The following SEPTIN9 variants were observed in gnomAD, a reference collection of about 807,000 sequenced individuals.
SEPTIN9 encodes the protein septin-9.
Under a neutral mutation model 56.6 loss-of-function variants are expected in SEPTIN9, and 13 were observed. The observed-to-expected ratio is 0.23, with a 90% confidence interval of 0.15 to 0.37. The LOEUF is 0.37. Among genes scored for constraint, SEPTIN9 ranks in the 10% least tolerant of loss-of-function variants. The probability of loss-of-function intolerance (pLI) is 1.00; values close to 1 mark genes in which losing one functional copy is unlikely to be tolerated. For missense variants in SEPTIN9, 650 were observed against 823.1 expected (o/e 0.79, Z 2.57); for synonymous variants, 332 against 334.1 (o/e 0.99, Z 0.07).
At chr17:77,383,725 C>T (rs957730862) in intron 2 of SEPTIN9, among the ~76,000 whole-genome samples, 2 of 152,134 alleles carry the variant, frequency 1.3e-5, no homozygotes, top group Admixed American at 1.3e-4. Context: ...AGGGGCTGAG[C>T]GAGGTGTCAG....
chr17:77,475,255 G>C lies in SEPTIN9; in HGVS notation c.722-6889G>C, dbSNP rs2039160820. ...CACATCATTATTCAGTTACCATCGT[G>C]GGGAGACTGTCTGGACGCAGAGAGC... On this transcript the variant is annotated intron_variant, in intron 3 of 11. Coordinates refer to ENST00000427177, the MANE Select transcript of SEPTIN9 (RefSeq NM_001113491.2). The surrounding 1 kb of genome is among the most constrained non-coding windows in gnomAD (Gnocchi z 4.6). 1 of 1,378,542 alleles carries C rather than the reference G, an allele frequency of 7.3e-7. No homozygotes were observed. The highest frequency in any genetic ancestry group is 1.4e-5 in the African/African-American group (1 of 69,030). 85.4% of individuals were successfully genotyped at this position (1,378,542 alleles called of 1,614,324 possible).
At chr17:77,343,035 A>ATCTATCTATCTG (rs770274093) in intron 2 of SEPTIN9, among the ~76,000 whole-genome samples, 1 of 145,364 alleles carries the variant, frequency 6.9e-6, no homozygotes, top group African/African-American at 2.8e-5. Flanking sequence ...CTATCTATCT[A>ATCTATCTATCTG]TCTATCTAGT....
chr17:77,392,275 G>A (rs1161776378), intron 2 of SEPTIN9, among the ~76,000 whole-genome samples: 3 of 152,186 alleles, frequency 2.0e-5, no homozygotes, highest in African/African-American at 7.2e-5. Flanking sequence ...GAGGCAGAGA[G>A]AAAGAAGCCT....
At position 77,492,709 on chromosome 17, in the gene SEPTIN9, A is replaced by T. The variant is rs371026410; in HGVS notation, c.1469A>T (p.Lys490Met). Residue 490 changes from lysine to methionine, a missense_variant, in exon 9 of 12, where the codon AAG becomes ATG. This residue lies in a region of SEPTIN9 where 333 missense variants were observed against 494.0 expected (regional missense o/e 0.67). Coordinates refer to ENST00000427177, the MANE Select transcript of SEPTIN9 (RefSeq NM_001113491.2). The surrounding 1 kb of genome is among the most constrained non-coding windows in gnomAD (Gnocchi z 5.4). ...EDSEDRLVNEKFREMIPFAVV... is the reference protein window; with the variant it reads ...EDSEDRLVNEMFREMIPFAVV... Reference sequence around the variant, plus strand: ...TCGGAGGACCGGCTGGTGAACGAGAAGTTCCGGGTGAGTGGATCCACTAGG... The same window carrying T: ...TCGGAGGACCGGCTGGTGAACGAGATGTTCCGGGTGAGTGGATCCACTAGG... The T allele has an allele frequency of 4.3e-5, 70 of 1,613,762 alleles. No homozygotes were observed. The highest frequency in any genetic ancestry group is 5.5e-5 in the Non-Finnish European group (65 of 1,179,874).
chr17:77,487,325 A>G lies in SEPTIN9; in HGVS notation c.914-99A>G. On this transcript the variant is annotated intron_variant, in intron 4 of 11. Transcript: ENST00000427177. The surrounding 1 kb of genome is among the most constrained non-coding windows in gnomAD (Gnocchi z 4.3). ...GGTAGCCCAGGCACTGCTGAATCTC[A>G]GACTGGAGAGCCTCGTGCCTGGGTG... 7.4e-7 allele frequency: 1 copy of G among 1,345,112 alleles called. No individual in the cohort carries two copies. The highest frequency in any genetic ancestry group is 1.0e-6 in the Non-Finnish European group (1 of 963,602). The allele number at this position is 1,345,112 out of a possible 1,614,324, so 83.3% of individuals were successfully genotyped here.
At chr17:77,365,774 C>T (rs534250182) in intron 2 of SEPTIN9, among the ~76,000 whole-genome samples, 2 of 152,322 alleles carry the variant, frequency 1.3e-5, no homozygotes, top group African/African-American at 2.4e-5. Flanking sequence ...CATGGAGCCG[C>T]GGTCCACAGA....
At chr17:77,470,844 G>A (rs147583815) in intron 3 of SEPTIN9, 284 of 152,412 alleles carry the variant, frequency 1.9e-3, no homozygotes, top group African/African-American at 6.4e-3. Context: ...TCTTTGATTG[G>A]TCTTTCTTTC....
chr17:77,392,413 T>C (rs916123477), intron 2 of SEPTIN9, among the ~76,000 whole-genome samples: 1 of 152,198 alleles, frequency 6.6e-6, no homozygotes, highest in Non-Finnish European at 1.5e-5. Flanking sequence ...TCCCTGCACC[T>C]CCATCCAGGG....
intron 3 of SEPTIN9, among the ~76,000 whole-genome samples, chr17:77,406,901 C>T (rs2036101514): frequency 6.6e-6 from 1 of 152,052 alleles, no homozygotes; most frequent in Admixed American, 6.6e-5. Flanking sequence ...GAACTCCTGA[C>T]CTCGTGACCC....
At chr17:77,477,495 C>T (rs1255730654) in intron 3 of SEPTIN9, among the ~76,000 whole-genome samples, 2 of 152,162 alleles carry the variant, frequency 1.3e-5, no homozygotes, top group African/African-American at 4.8e-5. Flanking sequence ...AGAAATAGTC[C>T]GCTGTGTTGA....
At chr17:77,411,483 C>T (rs1030017343) in intron 3 of SEPTIN9, among the ~76,000 whole-genome samples, 26 of 151,500 alleles carry the variant, frequency 1.7e-4, no homozygotes, top group African/African-American at 5.8e-4. Context: ...TAACCTCCAC[C>T]TTTCGCCTTC....
chr17:77,348,543 G>A (rs1021724759), intron 2 of SEPTIN9, among the ~76,000 whole-genome samples: 3 of 151,976 alleles, frequency 2.0e-5, no homozygotes, highest in African/African-American at 4.8e-5. Context: ...CAGGCGATCC[G>A]CCCACCCTGG....
chr17:77,402,622 G>C lies in SEPTIN9; in HGVS notation c.640G>C (p.Ala214Pro), dbSNP rs1382518733. The C allele has an allele frequency of 6.2e-7, 1 of 1,613,178 alleles. No individual in the cohort carries two copies. Residue 214 changes from alanine (A) to proline (P), a missense_variant, in exon 3 of 12, where the codon GCC (alanine) becomes CCC (proline). Ala to Pro is a conservative substitution (Grantham distance 27). Around this residue, in one of 2 missense-constraint regions of SEPTIN9, gnomAD observed 317 missense variants for 329.1 expected, o/e 0.96. Coordinates refer to ENST00000427177, the MANE Select transcript of SEPTIN9 (RefSeq NM_001113491.2). This position sits in a 1 kb window ranked among gnomAD's most constrained non-coding sequence, Gnocchi z 6.6. ...PAQTLENSEP[A>P]PVSQLQSRLE... ...CCAGACCTTGGAGAATTCAGAGCCT[G>C]CCCCTGTGTCTCAGCTGCAGAGCAG... is the stretch of plus-strand genomic sequence containing the variant.
chr17:77,343,063 G>C (rs2143767927), intron 2 of SEPTIN9, among the ~76,000 whole-genome samples: 2 of 148,180 alleles, frequency 1.3e-5, no homozygotes, highest in South Asian at 4.3e-4. Context: ...CCCCAACTTT[G>C]TTTGGCATGT....
intron 2 of SEPTIN9, among the ~76,000 whole-genome samples, chr17:77,384,146 A>G (rs1481014701): frequency 2.0e-5 from 3 of 150,910 alleles, no homozygotes; most frequent in Admixed American, 1.3e-4. Context: ...GGCTGGCGGG[A>G]GGCTGGCTGG....
chr17:77,482,189 C>G lies in SEPTIN9; in HGVS notation c.767C>G (p.Pro256Arg), dbSNP rs1446151094. ...TGCGTTGGCGACATGGCCGACACCC[C>G]CAGAGATGCCGGGCTCAAGCAGGCG... is the stretch of plus-strand genomic sequence containing the variant. Reference protein sequence around the residue: ...PSCVGDMADTPRDAGLKQAPA... With the variant: ...PSCVGDMADTRRDAGLKQAPA... The change falls in exon 4 of 12, where the codon CCC becomes CGC. Residue 256 changes from proline (P) to arginine (R), a missense_variant. This residue lies in a region of SEPTIN9 where 333 missense variants were observed against 494.0 expected (regional missense o/e 0.67). Transcript: ENST00000427177. The G allele has an allele frequency of 5.0e-6, 8 of 1,608,056 alleles. No homozygotes were observed. Among genetic ancestry groups the G allele is most frequent in the Non-Finnish European group, 5.9e-6 (7 of 1,177,950 alleles).
At chr17:77,357,171 A>T (rs1330145231) in intron 2 of SEPTIN9, among the ~76,000 whole-genome samples, 1 of 152,112 alleles carries the variant, frequency 6.6e-6, no homozygotes, top group Non-Finnish European at 1.5e-5. Flanking sequence ...GGAATCTTCC[A>T]GGTGTGGGGG....
rs770855481 is a variant in SEPTIN9 at position 77,323,977 on chromosome 17, G to A, written c.76+16780G>A. On this transcript the variant is annotated intron_variant, in intron 2 of 11. Coordinates refer to ENST00000427177, the MANE Select transcript of SEPTIN9 (RefSeq NM_001113491.2). This position sits in a 1 kb window ranked among gnomAD's most constrained non-coding sequence, Gnocchi z 6.8. Reference sequence around the variant, plus strand: ...TCGCCGTTCTGGAGGCCAGAAGTCCGAAATCACGGCATCAGCAGGCCTGGT... The same window carrying A: ...TCGCCGTTCTGGAGGCCAGAAGTCCAAAATCACGGCATCAGCAGGCCTGGT... Among the ~76,000 whole-genome samples, 6 of 152,238 alleles carry A rather than the reference G, an allele frequency of 3.9e-5. No individual in the cohort carries two copies. Among genetic ancestry groups the A allele is most frequent in the Non-Finnish European group, 4.4e-5 (3 of 68,050 alleles).
At chr17:77,460,227 T>C (rs2038405273) in intron 3 of SEPTIN9, among the ~76,000 whole-genome samples, 1 of 152,158 alleles carries the variant, frequency 6.6e-6, no homozygotes, top group South Asian at 2.1e-4. Flanking sequence ...TGTTCCTTGT[T>C]GAGAGAGCGG....
Sources: gnomAD v4.1 joint callset for allele counts (sites outside exome capture counted in the v4.1 genomes callset) on GRCh38, gnomAD v4.1.1 for gene constraint, gnomAD v4.1.1 regional missense constraint, Gnocchi (gnomAD v3.1) non-coding constraint, MANE v1.5 for transcripts, NCBI Gene and HGNC (gene_info 2026-07-23, HGNC 2026-07-21) for gene names.